The following GABRG3 variants were observed in gnomAD, a reference collection of about 807,000 sequenced individuals.
GABRG3 encodes the protein gamma-aminobutyric acid type A receptor subunit gamma3, also known as gamma-aminobutyric acid receptor subunit gamma-3.
Under a neutral mutation model 48.8 loss-of-function variants are expected in GABRG3, and 25 were observed. That is an observed-to-expected ratio of 0.51 (90% CI 0.37 to 0.72). The LOEUF (loss-of-function observed/expected upper bound fraction) is 0.72. Among genes scored for constraint, GABRG3 ranks in the 30% least tolerant of loss-of-function variants. GABRG3 has a pLI of 0.00. For missense variants in GABRG3, 394 were observed against 577.9 expected (o/e 0.68, Z 3.26); for synonymous variants, 227 against 217.6 (o/e 1.04, Z -0.38).
In GABRG3 at chr15:27,236,562, C is replaced by G. The variant is rs1889972816; in HGVS notation, c.271-90247C>G. Among the ~76,000 whole-genome samples, 1 of 152,202 alleles carries G rather than the reference C, an allele frequency of 6.6e-6. No individual in the cohort carries two copies. Among genetic ancestry groups the G allele is most frequent in the South Asian group, 2.1e-4 (1 of 4,828 alleles). ...TATCCCTTTATCGCCCTTAGCCAGT[C>G]ACCTGAGGCCAGGATCAGACTCCGC... On this transcript the variant is annotated intron_variant, in intron 3 of 9. Transcript: ENST00000615808. The surrounding 1 kb of genome is among the most constrained non-coding windows in gnomAD (Gnocchi z 4.4).
At chr15:27,317,865 A>C (rs937395992) in intron 3 of GABRG3, among the ~76,000 whole-genome samples, 2 of 151,180 alleles carry the variant, frequency 1.3e-5, no homozygotes, top group Non-Finnish European at 3.0e-5. Flanking sequence ...AGACTTCTGC[A>C]CATCCTTAGC....
intron 2 of GABRG3, among the ~76,000 whole-genome samples, chr15:27,009,784 T>C (rs867963666): frequency 2.0e-5 from 3 of 152,152 alleles, no homozygotes; most frequent in Non-Finnish European, 4.4e-5. Flanking sequence ...GAACTGACCA[T>C]CTCTCCTAAG....
At chr15:27,399,422 C>T (rs774493952) in intron 5 of GABRG3, among the ~76,000 whole-genome samples, 5 of 152,188 alleles carry the variant, frequency 3.3e-5, no homozygotes, top group Admixed American at 1.3e-4. Flanking sequence ...CCAGTCCCTG[C>T]GGTTAATCAG....
chr15:27,412,426 A>G (rs1364239552), intron 5 of GABRG3, among the ~76,000 whole-genome samples: 1 of 152,238 alleles, frequency 6.6e-6, no homozygotes, highest in Non-Finnish European at 1.5e-5. Context: ...TATAAATGGT[A>G]TAATACCAGA....
chr15:27,461,562 G>A (rs1691188408), intron 5 of GABRG3, among the ~76,000 whole-genome samples: 1 of 152,170 alleles, frequency 6.6e-6, no homozygotes, highest in Non-Finnish European at 1.5e-5. Context: ...ACTCCAGGAG[G>A]TTGTCACTGC....
At chr15:27,248,322 C>T (rs1320051871) in intron 3 of GABRG3, among the ~76,000 whole-genome samples, 2 of 152,154 alleles carry the variant, frequency 1.3e-5, no homozygotes, top group African/African-American at 2.4e-5. Flanking sequence ...TTTGGTAGAT[C>T]CCTGTTCCTA....
intron 3 of GABRG3, among the ~76,000 whole-genome samples, chr15:27,232,025 A>G (rs1200239651): frequency 3.9e-5 from 6 of 152,242 alleles, no homozygotes; most frequent in African/African-American, 1.4e-4. Context: ...AAATCATATC[A>G]TACCAGTGAA....
At position 27,216,182 on chromosome 15, in the gene GABRG3, T is replaced by G. The variant is rs72702049; in HGVS notation, c.271-110627T>G. Among the ~76,000 whole-genome samples the G allele has an allele frequency of 4.2e-3, 642 of 152,340 alleles. 2 individuals carry two copies. Among genetic ancestry groups the G allele is most frequent in the Non-Finnish European group, 6.0e-3 (407 of 68,036 alleles). On this transcript the variant is annotated intron_variant, in intron 3 of 9. Transcript: ENST00000615808. The stretch of plus-strand genomic sequence containing the variant: ...AAGGAGGTGGATCCCAGGCTGCCTT[T>G]GTGGGCATTGCAGACCAAATTCGGG...
chr15:26,984,006 G>A (rs1267856204), intron 2 of GABRG3, among the ~76,000 whole-genome samples: 1 of 151,886 alleles, frequency 6.6e-6, no homozygotes, highest in African/African-American at 2.4e-5. Flanking sequence ...TTCGAGCCTC[G>A]TTGTCGCCCC....
Position 27,534,871 on chromosome 15 carries a change from C to T in GABRG3, c.*1990C>T, listed in dbSNP as rs544851730. 6.6e-6 allele frequency: 1 copy of T among 152,348 alleles called. No individual in the cohort carries two copies. Among genetic ancestry groups the T allele is most frequent in the African/African-American group, 2.4e-5 (1 of 41,592 alleles). 9.4% of individuals were successfully genotyped at this position (152,348 alleles called of 1,614,324 possible). A position where few individuals can be genotyped will look rare whatever the true frequency, so the allele number is the denominator to read the frequency against. On this transcript the variant is annotated 3_prime_UTR_variant, in exon 10 of 10. Transcript: ENST00000615808. The stretch of plus-strand genomic sequence containing the variant: ...CATTGTTTCTCTCCCTGTCAACTCT[C>T]TGTCTTTTGGTTTGGTAGTTGCTAC...
intron 3 of GABRG3, among the ~76,000 whole-genome samples, chr15:27,145,623 A>ATCTG (rs1185723993): frequency 4.1e-4 from 60 of 144,628 alleles, no homozygotes; most frequent in Middle Eastern, 3.5e-3. Flanking sequence ...CTATCTATCT[A>ATCTG]TCTATCTATC....
intron 3 of GABRG3, among the ~76,000 whole-genome samples, chr15:27,049,238 A>C (rs1464041363): frequency 1.3e-5 from 2 of 152,240 alleles, no homozygotes; most frequent in African/African-American, 4.8e-5. Flanking sequence ...CAAATTATGT[A>C]GGCAGCCCAG....
intron 3 of GABRG3, among the ~76,000 whole-genome samples, chr15:27,217,977 C>T (rs529173713): frequency 1.1e-4 from 16 of 152,262 alleles, no homozygotes; most frequent in South Asian, 1.0e-3. Context: ...GCCAGTCTGT[C>T]GCCTTCAGAG....
intron 3 of GABRG3, among the ~76,000 whole-genome samples, chr15:27,315,002 T>A (rs10438509): frequency 0.026 from 4,022 of 152,240 alleles, 139 homozygotes; most frequent in East Asian, 0.089. Flanking sequence ...CATTGTATTT[T>A]ACAACACTTA....
At chr15:27,151,811 C>T (rs1325425321) in intron 3 of GABRG3, among the ~76,000 whole-genome samples, 1 of 152,182 alleles carries the variant, frequency 6.6e-6, no homozygotes, top group Admixed American at 6.5e-5. Flanking sequence ...CCTAGCGCCT[C>T]CAGAAGGAGC....
At chr15:27,162,541 C>T (rs898611430) in intron 3 of GABRG3, among the ~76,000 whole-genome samples, 1 of 152,148 alleles carries the variant, frequency 6.6e-6, no homozygotes, top group Non-Finnish European at 1.5e-5. Flanking sequence ...GGGGCCAGAT[C>T]GGGTGCAGTA....
At position 27,369,755 on chromosome 15, in the gene GABRG3, T is replaced by C. The variant is rs930054688; in HGVS notation, c.574+40867T>C. Among the ~76,000 whole-genome samples, 7 of 132,352 alleles carry C rather than the reference T, an allele frequency of 5.3e-5. No homozygotes were observed. In the East Asian group the frequency reaches 6.5e-4, roughly 12 times the overall value. 86.8% of individuals were successfully genotyped at this position (132,352 alleles called of 152,430 possible). On this transcript the variant is annotated intron_variant, in intron 5 of 9. Transcript: ENST00000615808. Reference sequence around the variant, plus strand: ...CCGGGAGGTGGAGGTTGCAGTGAGCTGAGATTGCACCACTGCACTCCAGCC... The same window carrying C: ...CCGGGAGGTGGAGGTTGCAGTGAGCCGAGATTGCACCACTGCACTCCAGCC...
rs180912250 is a variant in GABRG3, at chr15:26,977,338, C to T, written c.202+188C>T. On this transcript the variant is annotated intron_variant, in intron 2 of 9. Coordinates refer to ENST00000615808, the MANE Select transcript of GABRG3 (RefSeq NM_033223.5). Reference sequence around the variant, plus strand: ...GACTGACACTGGTGCCATGCAGGAACGTGGCTCTGTGTCATTTTATCCCAT... The same window carrying T: ...GACTGACACTGGTGCCATGCAGGAATGTGGCTCTGTGTCATTTTATCCCAT... Among the ~76,000 whole-genome samples the T allele has an allele frequency of 2.2e-4, 33 of 152,240 alleles. 1 individual carries two copies. The highest frequency in any genetic ancestry group is 4.0e-4 in the Non-Finnish European group (27 of 68,016).
At chr15:27,012,658 C>T (rs1895710877) in intron 2 of GABRG3, among the ~76,000 whole-genome samples, 1 of 152,122 alleles carries the variant, frequency 6.6e-6, no homozygotes, top group South Asian at 2.1e-4. Context: ...TCTTCTTTCC[C>T]ACACCATAGT....
Sources: gnomAD v4.1 joint callset for allele counts (sites outside exome capture counted in the v4.1 genomes callset) on GRCh38, gnomAD v4.1.1 for gene constraint, Gnocchi (gnomAD v3.1) non-coding constraint, MANE v1.5 for transcripts, NCBI Gene and HGNC (gene_info 2026-07-23, HGNC 2026-07-21) for gene names.